The following B4GALT4 variants were observed in gnomAD, a reference collection of about 807,000 sequenced individuals.
B4GALT4 encodes beta-1,4-galactosyltransferase 4.
Under a neutral mutation model 37.3 loss-of-function variants are expected in B4GALT4, and 27 were observed. The observed-to-expected ratio is 0.72, with a 90% CI of 0.53 to 1.00. The LOEUF (loss-of-function observed/expected upper bound fraction) is 1.00. Among genes scored for constraint, B4GALT4 ranks in the 50% least tolerant of loss-of-function variants. The pLI, the probability that B4GALT4 is intolerant of heterozygous loss-of-function variation, is 0.00. For synonymous variants in B4GALT4, 148 were observed against 154.1 expected (o/e 0.96, Z 0.29); for missense variants, 372 against 413.1 (o/e 0.90, Z 0.86).
intron 2 of B4GALT4, among the ~76,000 whole-genome samples, chr3:119,232,714 T>C (rs150406011): frequency 3.2e-4 from 48 of 152,354 alleles, no homozygotes; most frequent in African/African-American, 1.1e-3. Flanking sequence ...GTGGACTTAA[T>C]TGTAGGAGGC....
intron 4 of B4GALT4, 108 bp downstream of exon 4, chr3:119,226,701 A>T: frequency 2.2e-6 from 2 of 910,478 alleles, no homozygotes; most frequent in Non-Finnish European, 3.3e-6. Context: ...CTCGTTTTTG[A>T]TGATAGTCTG....
chr3:119,222,380 C>T (rs1246214799), intron 5 of B4GALT4, among the ~76,000 whole-genome samples: 1 of 151,818 alleles, frequency 6.6e-6, no homozygotes, highest in Non-Finnish European at 1.5e-5. Flanking sequence ...ATCAAGTTTC[C>T]CCAAAGAAAA....
At chr3:119,240,605 G>A (rs1373739512) in intron 1 of B4GALT4, 1 of 152,130 alleles carries the variant, frequency 6.6e-6, no homozygotes, top group African/African-American at 2.4e-5. Context: ...CGCAGCAGAG[G>A]CGGCGCCGCG....
chr3:119,228,244 T>G (rs2078687972), intron 3 of B4GALT4, among the ~76,000 whole-genome samples: 1 of 152,162 alleles, frequency 6.6e-6, no homozygotes, highest in African/African-American at 2.4e-5. Context: ...TAATATAAAC[T>G]AGTCCCCCGG....
chr3:119,230,701 C>T (rs892939608), intron 2 of B4GALT4, among the ~76,000 whole-genome samples: 8 of 152,152 alleles, frequency 5.3e-5, no homozygotes, highest in Non-Finnish European at 1.2e-4. Flanking sequence ...GTTCTTCTCC[C>T]CTGTGACAGC....
At chr3:119,223,053 G>A (rs1420996856) in intron 5 of B4GALT4, among the ~76,000 whole-genome samples, 1 of 152,180 alleles carries the variant, frequency 6.6e-6, no homozygotes, top group South Asian at 2.1e-4. Context: ...AGTACATACT[G>A]GTGGAATCTC....
intron 6 of B4GALT4, 92 bp downstream of exon 6, chr3:119,218,558 G>A: frequency 6.4e-7 from 1 of 1,550,834 alleles, no homozygotes; most frequent in Non-Finnish European, 8.8e-7. Flanking sequence ...TGACCTGCTG[G>A]ACTGGCATCT....
intron 7 of B4GALT4, chr3:119,214,905 G>C (rs115677713): frequency 6.6e-6 from 1 of 152,088 alleles, no homozygotes; most frequent in African/African-American, 2.4e-5. Context: ...TGGCAATATC[G>C]AAACTCACAG....
chr3:119,221,450 G>T (rs1576901224), intron 5 of B4GALT4, among the ~76,000 whole-genome samples: 1 of 152,188 alleles, frequency 6.6e-6, no homozygotes, highest in Non-Finnish European at 1.5e-5. Context: ...TGGCACTGGG[G>T]CACACAGTTG....
chr3:119,226,927 C>G lies in B4GALT4; in HGVS notation c.368G>C (p.Arg123Thr). Residue 123 changes from arginine to threonine, a missense_variant, in exon 4 of 8, where the codon AGG (arginine) becomes ACG (threonine). Physicochemically the swap from Arg to Thr is moderately conservative, Grantham distance 71. Coordinates refer to ENST00000393765, the MANE Select transcript of B4GALT4 (RefSeq NM_003778.4). ...CCGGTGGGGAACGAGGATGGCGACC[C>G]TCTGTAAAGCTTTACATTCCTGAGG... ...YRPQECKALQ[R>T]VAILVPHRNR... The G allele has an allele frequency of 6.2e-7, 1 of 1,614,132 alleles. No homozygotes were observed.
intron 5 of B4GALT4, among the ~76,000 whole-genome samples, chr3:119,223,038 C>T (rs766099975): frequency 5.9e-5 from 9 of 152,232 alleles, no homozygotes; most frequent in South Asian, 2.1e-4. Flanking sequence ...TTCACACTCA[C>T]GTAGAGTACA....
chr3:119,223,290 C>T (rs545580210), intron 5 of B4GALT4, among the ~76,000 whole-genome samples: 2 of 152,348 alleles, frequency 1.3e-5, no homozygotes, highest in South Asian at 4.1e-4. Flanking sequence ...GCCTCCAGCA[C>T]AGTCAGCACC....
At chr3:119,222,707 C>T (rs780292708) in intron 5 of B4GALT4, among the ~76,000 whole-genome samples, 28 of 152,330 alleles carry the variant, frequency 1.8e-4, no homozygotes, top group Middle Eastern at 3.4e-3. Flanking sequence ...TTCCCCAAAA[C>T]TGCGCTGTGC....
At chr3:119,219,673 T>C (rs1231843269) in intron 5 of B4GALT4, among the ~76,000 whole-genome samples, 1 of 152,066 alleles carries the variant, frequency 6.6e-6, no homozygotes, top group African/African-American at 2.4e-5. Context: ...ACCCTAGGAA[T>C]ACCGAAAAGA....
intron 7 of B4GALT4, chr3:119,214,581 A>C (rs920785365): frequency 3.3e-5 from 5 of 152,200 alleles, no homozygotes; most frequent in Middle Eastern, 3.2e-3. Flanking sequence ...ATGAGTACCA[A>C]AAAGTACAAG....
intron 1 of B4GALT4, among the ~76,000 whole-genome samples, chr3:119,239,517 A>G (rs887553523): frequency 6.6e-6 from 1 of 152,176 alleles, no homozygotes; most frequent in African/African-American, 2.4e-5. Flanking sequence ...ATTTGCATGC[A>G]TCTCTGGAAA....
rs960995360 is a variant in B4GALT4, at chr3:119,237,406, T to G, written c.-363-336A>C. On this transcript the variant is annotated intron_variant, in intron 1 of 7. Transcript: ENST00000393765. ...GTAACCTAAATGTTTTGAGTCTGTT[T>G]GGCCATTTATTTAAAAAGCATTTCT... is the stretch of plus-strand genomic sequence containing the variant. Among the ~76,000 whole-genome samples, 6 of 152,358 alleles carry G rather than the reference T, an allele frequency of 3.9e-5. No homozygotes were observed. In the East Asian group the frequency reaches 9.6e-4, roughly 24 times the overall value.
chr3:119,212,035 T>C lies in B4GALT4; in HGVS notation c.*514A>G, dbSNP rs1323516697. On this transcript the variant is annotated 3_prime_UTR_variant, in exon 8 of 8. Coordinates refer to ENST00000393765, the MANE Select transcript of B4GALT4 (RefSeq NM_003778.4). Reference sequence around the variant, plus strand: ...CCCAAGTTCACTGTGTCCTGATTCGTCGCCTTTTCTCCCCTCTTTTGTGGA... The same window carrying C: ...CCCAAGTTCACTGTGTCCTGATTCGCCGCCTTTTCTCCCCTCTTTTGTGGA... The C allele has an allele frequency of 1.2e-5, 8 of 653,526 alleles. No homozygotes were observed. Among genetic ancestry groups the C allele is most frequent in the African/African-American group, 1.1e-4 (6 of 55,456 alleles). 40.5% of individuals were successfully genotyped at this position (653,526 alleles called of 1,614,324 possible). A position where few individuals can be genotyped will look rare whatever the true frequency, so the allele number is the denominator to read the frequency against.
chr3:119,238,396 C>G (rs1484068082), intron 1 of B4GALT4, among the ~76,000 whole-genome samples: 1 of 151,772 alleles, frequency 6.6e-6, no homozygotes, highest in East Asian at 1.9e-4. Flanking sequence ...GAGAAAACTT[C>G]TATTTCTTTT....
Sources: gnomAD v4.1 joint callset for allele counts (sites outside exome capture counted in the v4.1 genomes callset) on GRCh38, gnomAD v4.1.1 for gene constraint, MANE v1.5 for transcripts, NCBI Gene and HGNC (gene_info 2026-07-23, HGNC 2026-07-21) for gene names.